Variants in FSTL5 observed in about 807,000 individuals in gnomAD.
FSTL5 encodes follistatin-related protein 5.
Under a neutral mutation model 89.1 loss-of-function variants are expected in FSTL5, and 62 were observed. The observed-to-expected ratio is 0.70, with a 90% CI of 0.57 to 0.86. The LOEUF (loss-of-function observed/expected upper bound fraction) is 0.86. FSTL5 is among the 40% of genes least tolerant of loss of function. The probability of loss-of-function intolerance (pLI) is 0.00; values close to 1 mark genes in which losing one functional copy is unlikely to be tolerated. For missense variants in FSTL5, 1,057 were observed against 1,001.6 expected (o/e 1.06, Z -0.75); for synonymous variants, 383 against 346.2 (o/e 1.11, Z -1.18).
At chr4:161,533,488 T>C (rs1244016485) in intron 10 of FSTL5, among the ~76,000 whole-genome samples, 1 of 152,012 alleles carries the variant, frequency 6.6e-6, no homozygotes, top group Non-Finnish European at 1.5e-5. Context: ...ACGTATAAAT[T>C]CTTGGAAACA....
At chr4:161,597,148 G>A (rs1416795371) in intron 7 of FSTL5, among the ~76,000 whole-genome samples, 2 of 151,998 alleles carry the variant, frequency 1.3e-5, no homozygotes, top group Non-Finnish European at 2.9e-5. Context: ...TTCTTCTAGG[G>A]TTTTTATGGT....
At chr4:161,646,702 G>A (rs771012600) in intron 7 of FSTL5, among the ~76,000 whole-genome samples, 9 of 152,026 alleles carry the variant, frequency 5.9e-5, no homozygotes, top group Admixed American at 5.9e-4. Context: ...TTTATTATCT[G>A]TCTGTGTTTT....
chr4:162,006,912 A>T (rs1456322970), intron 3 of FSTL5, among the ~76,000 whole-genome samples: 1 of 151,950 alleles, frequency 6.6e-6, no homozygotes, highest in African/African-American at 2.4e-5. Context: ...TTGGTGGATC[A>T]GAAAATATTA....
In FSTL5 at chr4:161,759,404, T is replaced by G; in HGVS notation, c.727+7A>C. On this transcript the variant is annotated splice_region_variant and intron_variant, in intron 6 of 15. Coordinates refer to ENST00000306100, the MANE Select transcript of FSTL5 (RefSeq NM_020116.5). Reference sequence around the variant, plus strand: ...AAGGGAAATTGGAGAATGAATCTTGTACTCACGGAATGCTCTATAAAATTC... The same window carrying G: ...AAGGGAAATTGGAGAATGAATCTTGGACTCACGGAATGCTCTATAAAATTC... 1 of 1,579,010 alleles carries G rather than the reference T, an allele frequency of 6.3e-7. No individual in the cohort carries two copies. The highest frequency in any genetic ancestry group is 8.6e-7 in the Non-Finnish European group (1 of 1,166,316).
chr4:161,769,360 A>C (rs1157110774), intron 5 of FSTL5, among the ~76,000 whole-genome samples: 2 of 152,028 alleles, frequency 1.3e-5, no homozygotes, highest in African/African-American at 4.8e-5. Flanking sequence ...CCCTGATTCC[A>C]AAACCAGAAA....
rs1177305826 is a variant in FSTL5 at position 161,776,003 on chromosome 4, T to C, written c.481A>G (p.Ile161Val). 9 of 1,597,570 alleles carry C rather than the reference T, an allele frequency of 5.6e-6. No homozygotes were observed. Among genetic ancestry groups the C allele is most frequent in the South Asian group, 1.1e-5 (1 of 89,624 alleles). Reference protein sequence around the residue: ...MLLDLQNQKYIMQENENPNGD... With the variant: ...MLLDLQNQKYVMQENENPNGD... ...TTAGGATTTTCATTTTCTTGCATAA[T>C]ATATTTTTGATTTTGTAAATCTAAT... Residue 161 changes from isoleucine to valine, a missense_variant, in exon 5 of 16, where the codon ATT (isoleucine) becomes GTT (valine). Physicochemically the swap from Ile to Val is conservative, Grantham distance 29. This residue lies in a region of FSTL5 where 980 missense variants were observed against 903.2 expected (regional missense o/e 1.08). Coordinates refer to ENST00000306100, the MANE Select transcript of FSTL5 (RefSeq NM_020116.5).
At chr4:161,907,630 G>A (rs1024722312) in intron 4 of FSTL5, among the ~76,000 whole-genome samples, 2 of 152,016 alleles carry the variant, frequency 1.3e-5, no homozygotes, top group Admixed American at 6.6e-5. Context: ...GCATACATGG[G>A]TGCTGATACT....
chr4:162,094,624 A>G (rs1410533834), intron 2 of FSTL5, among the ~76,000 whole-genome samples: 3 of 152,138 alleles, frequency 2.0e-5, no homozygotes, highest in Admixed American at 6.6e-5. Flanking sequence ...AAGAATACCT[A>G]CTGTAGGATT....
chr4:162,032,750 C>T (rs1737585704), intron 3 of FSTL5: 1 of 152,046 alleles, frequency 6.6e-6, no homozygotes, highest in African/African-American at 2.4e-5. Flanking sequence ...TTTCAGAAGA[C>T]CATGTAAGTT....
intron 4 of FSTL5, among the ~76,000 whole-genome samples, chr4:161,899,580 TGC>T (rs1364120701): frequency 6.6e-6 from 1 of 152,208 alleles, no homozygotes; most frequent in Non-Finnish European, 1.5e-5. Flanking sequence ...ATTGAGCTAG[TGC>T]TTATTTACTG....
chr4:162,044,346 A>G (rs2111235051), intron 2 of FSTL5, among the ~76,000 whole-genome samples: 1 of 152,292 alleles, frequency 6.6e-6, no homozygotes, highest in Non-Finnish European at 1.5e-5. Context: ...TAATATTTTA[A>G]AAGGAATCTT....
At chr4:162,155,272 C>T (rs963209425) in intron 1 of FSTL5, among the ~76,000 whole-genome samples, 8 of 152,120 alleles carry the variant, frequency 5.3e-5, no homozygotes, top group Non-Finnish European at 1.0e-4. Context: ...GGTTAGAGGT[C>T]AGAAGCAGAA....
intron 8 of FSTL5, among the ~76,000 whole-genome samples, chr4:161,549,884 A>G: frequency 6.6e-6 from 1 of 151,890 alleles, no homozygotes; most frequent in Middle Eastern, 3.2e-3. Flanking sequence ...TAGTGTCTGG[A>G]GGATCCATTG....
At chr4:161,932,017 C>T (rs1050943827) in intron 3 of FSTL5, among the ~76,000 whole-genome samples, 10 of 151,742 alleles carry the variant, frequency 6.6e-5, no homozygotes, top group African/African-American at 1.9e-4. Flanking sequence ...AGTAAGGTTA[C>T]GGGACTATTT....
At chr4:161,875,128 T>C (rs1433981292) in intron 4 of FSTL5, among the ~76,000 whole-genome samples, 1 of 152,178 alleles carries the variant, frequency 6.6e-6, no homozygotes, top group Non-Finnish European at 1.5e-5. Context: ...CAGATTCTCT[T>C]GTTTTAGTAT....
At chr4:161,850,964 A>G (rs1731530200) in intron 4 of FSTL5, among the ~76,000 whole-genome samples, 1 of 152,156 alleles carries the variant, frequency 6.6e-6, no homozygotes, top group Non-Finnish European at 1.5e-5. Flanking sequence ...TAATGGGTTG[A>G]TCTGTGCAAC....
chr4:161,484,020 A>C (rs1036412250), intron 12 of FSTL5, among the ~76,000 whole-genome samples: 2 of 152,118 alleles, frequency 1.3e-5, no homozygotes, highest in Non-Finnish European at 2.9e-5. Context: ...ACTTTCCCAA[A>C]ATGTTAAGGA....
intron 15 of FSTL5, among the ~76,000 whole-genome samples, chr4:161,417,616 T>A (rs1731834630): frequency 6.6e-6 from 1 of 152,192 alleles, no homozygotes. Context: ...GGGGGCCAGG[T>A]TACCTGCCTT....
At chr4:161,780,177 T>C (rs1016385727) in intron 4 of FSTL5, among the ~76,000 whole-genome samples, 2 of 149,416 alleles carry the variant, frequency 1.3e-5, no homozygotes, top group Non-Finnish European at 3.0e-5. Flanking sequence ...AAATAAATAA[T>C]TGTATAAATA....
Sources: gnomAD v4.1 joint callset for allele counts (sites outside exome capture counted in the v4.1 genomes callset) on GRCh38, gnomAD v4.1.1 for gene constraint, gnomAD v4.1.1 regional missense constraint, MANE v1.5 for transcripts, NCBI Gene and HGNC (gene_info 2026-07-23, HGNC 2026-07-21) for gene names.